The following LHCGR variants were observed in gnomAD, a reference collection of about 807,000 sequenced individuals.
The protein encoded by LHCGR is luteinizing hormone/choriogonadotropin receptor.
Under a neutral mutation model 60.7 loss-of-function variants are expected in LHCGR, and 55 were observed. The ratio of observed to expected loss-of-function variants is 0.91; its 90% CI spans 0.73 to 1.13. The LOEUF is 1.13. LHCGR is among the 50% of genes most tolerant of loss of function. The pLI is 0.00. For missense variants in LHCGR, 862 were observed against 836.0 expected, an observed-to-expected ratio of 1.03 and a Z score of -0.38; for synonymous variants, 337 against 316.5, an observed-to-expected ratio of 1.06 and a Z score of -0.69.
rs116531471 is a variant in LHCGR at position 48,734,108 on chromosome 2, G to A, written c.162-2810C>T. On this transcript the variant is annotated intron_variant, in intron 1 of 10. Transcript: ENST00000294954. ...GCATCAGGGGCTTGGAGGCAACCTG[G>A]GTGTCCATTACTAGGTGAGGGAGTA... 5.8e-3 allele frequency among the ~76,000 whole-genome samples: 889 copies of A among 152,228 alleles called. 11 individuals are homozygous for A. The highest frequency in any genetic ancestry group is 0.02 in the African/African-American group (836 of 41,548).
chr2:48,733,350 T>G (rs1669088271), intron 1 of LHCGR, among the ~76,000 whole-genome samples: 1 of 152,138 alleles, frequency 6.6e-6, no homozygotes, highest in Admixed American at 6.5e-5. Context: ...TTGGTTCAGA[T>G]TTGATCAGGG....
intron 8 of LHCGR, among the ~76,000 whole-genome samples, chr2:48,703,435 G>C (rs1667505802): frequency 1.3e-5 from 2 of 152,114 alleles, no homozygotes; most frequent in African/African-American, 4.8e-5. Context: ...AATCCATCTT[G>C]AGTTAATTTT....
chr2:48,755,227 G>C (rs558106754), intron 1 of LHCGR, among the ~76,000 whole-genome samples: 1 of 151,832 alleles, frequency 6.6e-6, no homozygotes, highest in Non-Finnish European at 1.5e-5. Flanking sequence ...CAGCGGCAGA[G>C]AGCAGGCCTT....
chr2:48,705,557 T>C lies in LHCGR; in HGVS notation c.680+3391A>G, dbSNP rs1379822201. Among the ~76,000 whole-genome samples the C allele has an allele frequency of 1.1e-4, 16 of 152,346 alleles. No homozygotes were observed. The East Asian group carries it at 3.1e-3, about 29-fold the overall frequency. ...TTCGTAGTTCTCTAAGAACTGGCTT[T>C]ATGAATCTGGATGCTCCTGTGTTGG... On this transcript the variant is annotated intron_variant, in intron 8 of 10. Coordinates refer to ENST00000294954, the MANE Select transcript of LHCGR (RefSeq NM_000233.4).
At chr2:48,727,485 A>G (rs1668787150) in intron 3 of LHCGR, among the ~76,000 whole-genome samples, 1 of 152,100 alleles carries the variant, frequency 6.6e-6, no homozygotes, top group South Asian at 2.1e-4. Flanking sequence ...AGAGTGCTTT[A>G]TGTTTCTTTC....
intron 6 of LHCGR, among the ~76,000 whole-genome samples, chr2:48,714,734 T>G (rs1211922239): frequency 6.7e-6 from 1 of 149,382 alleles, no homozygotes. Flanking sequence ...GGTATATACC[T>G]ATAAATACAC....
chr2:48,712,659 T>C (rs1668052238), intron 7 of LHCGR, among the ~76,000 whole-genome samples: 1 of 151,660 alleles, frequency 6.6e-6, no homozygotes, highest in Admixed American at 6.6e-5. Context: ...AAAAGTATAA[T>C]CTTGTTGAAT....
chr2:48,705,255 C>T (rs1667607739), intron 8 of LHCGR, among the ~76,000 whole-genome samples: 1 of 152,124 alleles, frequency 6.6e-6, no homozygotes, highest in African/African-American at 2.4e-5. Context: ...GTCTGAGAGA[C>T]AGTTTGTTGT....
At chr2:48,690,515 A>T (rs1244525322) in intron 10 of LHCGR, among the ~76,000 whole-genome samples, 2 of 152,214 alleles carry the variant, frequency 1.3e-5, no homozygotes, top group South Asian at 2.1e-4. Flanking sequence ...AATATTAGGG[A>T]TTCTTAAAAT....
In LHCGR at chr2:48,734,060, A is replaced by G. The variant is rs1426093271; in HGVS notation, c.162-2762T>C. On this transcript the variant is annotated intron_variant, in intron 1 of 10. Transcript: ENST00000294954. ...TTGATACTTAAAGGAATCTTGTACA[A>G]ACGTTTTCTTCACAGCATTGTGGCA... Among the ~76,000 whole-genome samples, 12 of 152,284 alleles carry G rather than the reference A, an allele frequency of 7.9e-5. 1 individual carries two copies. In the East Asian group the frequency reaches 2.3e-3, roughly 29 times the overall value.
chr2:48,723,768 A>G, intron 4 of LHCGR, 72 bp from the exon 5 acceptor site: 1 of 1,125,026 alleles, frequency 8.9e-7, no homozygotes, highest in Admixed American at 1.7e-5. Context: ...ACATAAAGAT[A>G]AAAAGAGAGT....
intron 1 of LHCGR, among the ~76,000 whole-genome samples, chr2:48,742,914 T>C (rs981877736): frequency 5.3e-5 from 8 of 152,052 alleles, no homozygotes; most frequent in Non-Finnish European, 1.2e-4. Context: ...GCTGGTTTTT[T>C]GAAAGGATCA....
At chr2:48,707,792 C>G (rs1051315959) in intron 8 of LHCGR, among the ~76,000 whole-genome samples, 2 of 152,242 alleles carry the variant, frequency 1.3e-5, no homozygotes, top group Admixed American at 1.3e-4. Flanking sequence ...GCCAATGGAT[C>G]TTAGCTTGCT....
chr2:48,747,609 A>G (rs559224342), intron 1 of LHCGR, among the ~76,000 whole-genome samples: 2 of 152,092 alleles, frequency 1.3e-5, no homozygotes. Flanking sequence ...TCTTTTTGGG[A>G]ATTGGAAATT....
chr2:48,740,010 G>A (rs1243599540), intron 1 of LHCGR, among the ~76,000 whole-genome samples: 4 of 152,180 alleles, frequency 2.6e-5, no homozygotes, highest in Admixed American at 1.3e-4. Context: ...GAAGCAGGGC[G>A]AGGCATCACC....
chr2:48,741,238 G>A (rs1387344493), intron 1 of LHCGR, among the ~76,000 whole-genome samples: 1 of 152,216 alleles, frequency 6.6e-6, no homozygotes, highest in African/African-American at 2.4e-5. Context: ...AAGTGACGGG[G>A]AGAATGGAAC....
chr2:48,743,478 CA>C (rs1669565547), intron 1 of LHCGR, among the ~76,000 whole-genome samples: 1 of 152,118 alleles, frequency 6.6e-6, no homozygotes, highest in South Asian at 2.1e-4. Flanking sequence ...AGCAGCACAT[CA>C]AAAAGCTTAT....
chr2:48,689,360 G>A (rs779962705), intron 10 of LHCGR, among the ~76,000 whole-genome samples: 14 of 152,162 alleles, frequency 9.2e-5, no homozygotes, highest in Middle Eastern at 3.4e-3. Context: ...TCATTTAGTT[G>A]CCAACCAAAC....
At chr2:48,704,831 A>C (rs1667582971) in intron 8 of LHCGR, among the ~76,000 whole-genome samples, 1 of 152,110 alleles carries the variant, frequency 6.6e-6, no homozygotes, top group South Asian at 2.1e-4. Context: ...TAATCTATTC[A>C]AAAAACCAGC....
Sources: allele counts gnomAD v4.1 joint callset (sites outside exome capture counted in the v4.1 genomes callset), GRCh38; gene constraint gnomAD v4.1.1; transcripts MANE v1.5; gene names NCBI Gene and HGNC (gene_info 2026-07-23, HGNC 2026-07-21).